DYNC2H1: variants seen among roughly 807,000 people sequenced by gnomAD.
The protein encoded by DYNC2H1 is dynein cytoplasmic 2 heavy chain 1.
A neutral mutation model predicts 570.0 loss-of-function variants in DYNC2H1; 410 were observed. That is an observed-to-expected ratio of 0.72 (90% CI 0.66 to 0.78). The LOEUF (loss-of-function observed/expected upper bound fraction) is 0.78, where lower values mean the gene tolerates loss of function less well. Ranked by LOEUF, DYNC2H1 falls within the 30% of genes least tolerant of loss-of-function variation. The probability of loss-of-function intolerance (pLI) is 0.00; values close to 1 mark genes in which losing one functional copy is unlikely to be tolerated. For missense variants in DYNC2H1, 4,865 were observed against 5,046.4 expected, an observed-to-expected ratio of 0.96 and a Z score of 1.09; for synonymous variants, 1,688 against 1,677.6, an observed-to-expected ratio of 1.01 and a Z score of -0.15.
In DYNC2H1 at chr11:103,268,311, T is replaced by C. The variant is rs1016969173; in HGVS notation, c.10695+8334T>C. On this transcript the variant is annotated intron_variant, in intron 70 of 88. Transcript: ENST00000375735. This position sits in a 1 kb window ranked among gnomAD's most constrained non-coding sequence, Gnocchi z 4.6. ...GCTCTGGTTTATAAATGTTATCTTA[T>C]TGTTTTTAAAGTTGTTTATTTCTAC... Among the ~76,000 whole-genome samples, 5 of 152,064 alleles carry C rather than the reference T, an allele frequency of 3.3e-5. No individual in the cohort carries two copies. Among genetic ancestry groups the C allele is most frequent in the African/African-American group, 1.2e-4 (5 of 41,448 alleles).
chr11:103,394,833 G>A (rs1190750633), intron 83 of DYNC2H1, among the ~76,000 whole-genome samples: 1 of 152,006 alleles, frequency 6.6e-6, no homozygotes, highest in Non-Finnish European at 1.5e-5. Flanking sequence ...AAAAGGTTTA[G>A]AAATCCAAGC....
At chr11:103,442,939 C>T (rs953792074) in intron 85 of DYNC2H1, among the ~76,000 whole-genome samples, 1 of 149,034 alleles carries the variant, frequency 6.7e-6, no homozygotes, top group Non-Finnish European at 1.5e-5. Flanking sequence ...TGCAAAATAT[C>T]ATTTCAATGC....
intron 80 of DYNC2H1, among the ~76,000 whole-genome samples, chr11:103,320,540 T>C (rs1239822442): frequency 1.3e-5 from 2 of 152,234 alleles, no homozygotes; most frequent in African/African-American, 4.8e-5. Flanking sequence ...AGGTGTTTCA[T>C]AGAGTTTCCC....
intron 83 of DYNC2H1, among the ~76,000 whole-genome samples, chr11:103,374,158 T>A (rs905247490): frequency 6.6e-6 from 1 of 152,202 alleles, no homozygotes; most frequent in African/African-American, 2.4e-5. Context: ...GGTTTGACCA[T>A]GTCCCCACAC....
At chr11:103,388,814 T>C (rs1027913771) in intron 83 of DYNC2H1, among the ~76,000 whole-genome samples, 1 of 152,246 alleles carries the variant, frequency 6.6e-6, no homozygotes, top group African/African-American at 2.4e-5. Context: ...TTTATTGATT[T>C]GCGTATGTTG....
chr11:103,307,478 G>A lies in DYNC2H1; in HGVS notation c.11383-243G>A, dbSNP rs527639836. ...AAGTCAAAGAGACCAAGGTCACATA[G>A]CAGATTAGTGGCAAAGTATGAATTT... On this transcript the variant is annotated intron_variant, in intron 77 of 88. Coordinates refer to ENST00000375735, the MANE Select transcript of DYNC2H1 (RefSeq NM_001377.3). 3.9e-5 allele frequency among the ~76,000 whole-genome samples: 6 copies of A among 152,216 alleles called. No homozygotes were observed. In the East Asian group the frequency reaches 1.2e-3, roughly 29 times the overall value.
intron 52 of DYNC2H1, among the ~76,000 whole-genome samples, chr11:103,206,674 A>C (rs1443807597): frequency 6.6e-6 from 1 of 152,200 alleles, no homozygotes; most frequent in African/African-American, 2.4e-5. Flanking sequence ...AGCATGTCAA[A>C]GGAAGAAAGT....
chr11:103,412,579 A>G (rs901619763), intron 84 of DYNC2H1, among the ~76,000 whole-genome samples: 19 of 152,154 alleles, frequency 1.2e-4, no homozygotes, highest in African/African-American at 1.7e-4. Context: ...CAACATATCT[A>G]TTGGTTATAC....
rs1223724592 is a variant in DYNC2H1 at position 103,245,473 on chromosome 11, G to C, written c.10042+99G>C. The stretch of plus-strand genomic sequence containing the variant: ...CTTTCAAGAGTCCTCTTCCAGTGGA[G>C]TCACACATGATGGGCTTACTTCCTT... On this transcript the variant is annotated intron_variant, in intron 65 of 88. Coordinates refer to ENST00000375735, the MANE Select transcript of DYNC2H1 (RefSeq NM_001377.3). The surrounding 1 kb of genome is among the most constrained non-coding windows in gnomAD (Gnocchi z 4.5). 1.7e-6 allele frequency: 2 copies of C among 1,205,936 alleles called. No individual in the cohort carries two copies. The highest frequency in any genetic ancestry group is 2.3e-6 in the Non-Finnish European group (2 of 875,426). The allele number at this position is 1,205,936 out of a possible 1,614,324, so 74.7% of individuals were successfully genotyped here.
chr11:103,445,702 G>A (rs984215590), intron 85 of DYNC2H1, among the ~76,000 whole-genome samples: 3 of 152,084 alleles, frequency 2.0e-5, no homozygotes, highest in East Asian at 1.9e-4. Flanking sequence ...CCCAGGCTGG[G>A]GTGCAGTGGC....
At chr11:103,448,927 T>C in intron 85 of DYNC2H1, among the ~76,000 whole-genome samples, 1 of 152,228 alleles carries the variant, frequency 6.6e-6, no homozygotes, top group Admixed American at 6.5e-5. Context: ...TTCTTTTTTT[T>C]CCTTTGTTTC....
intron 67 of DYNC2H1, among the ~76,000 whole-genome samples, chr11:103,255,796 G>A (rs1225163444): frequency 1.3e-5 from 2 of 152,004 alleles, no homozygotes; most frequent in East Asian, 3.9e-4. Flanking sequence ...ATTTCAAGAA[G>A]CATTGAAAGC....
chr11:103,182,536 A>G (rs556857442), intron 40 of DYNC2H1, among the ~76,000 whole-genome samples: 1 of 152,032 alleles, frequency 6.6e-6, no homozygotes, highest in East Asian at 1.9e-4. Flanking sequence ...CTAATGGAGA[A>G]AAATGACATG....
chr11:103,259,210 C>G (rs1442833829), intron 69 of DYNC2H1, among the ~76,000 whole-genome samples: 1 of 152,032 alleles, frequency 6.6e-6, no homozygotes, highest in Non-Finnish European at 1.5e-5. Context: ...CATGTATTCT[C>G]CAAATGCTCT....
chr11:103,147,668 T>C (rs1401094901), intron 18 of DYNC2H1, 104 bp from the exon 19 acceptor site: 2 of 690,826 alleles, frequency 2.9e-6, no homozygotes, highest in Non-Finnish European at 4.8e-6. Flanking sequence ...ACTGCTGACA[T>C]ACATTTTTAA....
chr11:103,270,207 A>T (rs12282475), intron 70 of DYNC2H1, among the ~76,000 whole-genome samples: 80,487 of 141,222 alleles, frequency 0.57, 23,352 homozygotes, highest in African/African-American at 0.65. Context: ...AAAAAAAAAA[A>T]AATAATAATA....
At chr11:103,287,492 GCAACT>G in intron 74 of DYNC2H1, 36 bp from the exon 75 acceptor site, 1 of 1,499,314 alleles carries the variant, frequency 6.7e-7, no homozygotes, top group East Asian at 2.3e-5. Context: ...AGTAGTTGCA[GCAACT>G]TTATTCTTTA....
At chr11:103,121,153 A>G (rs928160999) in intron 9 of DYNC2H1, 117 bp downstream of exon 9, 33 of 895,308 alleles carry the variant, frequency 3.7e-5, no homozygotes, top group Non-Finnish European at 5.3e-5. Context: ...TTCATGCTGA[A>G]GATTAATTTA....
rs1478814855 is a variant in DYNC2H1 at position 103,170,914 on chromosome 11, T to C, written c.5180T>C (p.Ile1727Thr). Residue 1727 changes from isoleucine (I) to threonine (T), a missense_variant, in exon 34 of 89, where the codon ATA becomes ACA. By Grantham distance (89) the Ile-to-Thr change is moderately conservative (BLOSUM62 -1). Transcript: ENST00000375735. This position sits in a 1 kb window ranked among gnomAD's most constrained non-coding sequence, Gnocchi z 4.8. ...ATCGATGTGAAGTCAATGGGACGAA[T>C]ATTTGTTGGTTTGGTGAAGTGTGGG... ...EGIDVKSMGR[I>T]FVGLVKCGAW... 1.9e-6 allele frequency: 3 copies of C among 1,582,688 alleles called. No individual in the cohort carries two copies. The highest frequency in any genetic ancestry group is 1.7e-5 in the Admixed American group (1 of 57,810).
Sources: allele counts gnomAD v4.1 joint callset (sites outside exome capture counted in the v4.1 genomes callset), GRCh38; gene constraint gnomAD v4.1.1; non-coding constraint Gnocchi (gnomAD v3.1); transcripts MANE v1.5; gene names NCBI Gene and HGNC (gene_info 2026-07-23, HGNC 2026-07-21).